The following FARP2 variants were observed in gnomAD, a reference collection of about 807,000 sequenced individuals.
FARP2 encodes FERM, ARHGEF and pleckstrin domain-containing protein 2.
In FARP2, 111 loss-of-function variants were observed where a neutral mutation model predicts 130.5. The ratio of observed to expected loss-of-function variants is 0.85; its 90% confidence interval spans 0.73 to 1.00. The LOEUF is 1.00. Among genes scored for constraint, FARP2 ranks in the 50% least tolerant of loss-of-function variants. The pLI is 0.00. For missense variants in FARP2, 1,385 were observed against 1,346.3 expected (o/e 1.03, Z -0.45); for synonymous variants, 504 against 516.9 (o/e 0.98, Z 0.34).
rs561910972 is a variant in FARP2, at chr2:241,442,189, C to T, written c.1411+633C>T. 6.8e-5 allele frequency: 31 copies of T among 454,458 alleles called. No individual in the cohort carries two copies. The East Asian group carries it at 1.3e-3, about 19-fold the overall frequency. The allele number at this position is 454,458 out of a possible 1,614,324, so 28.2% of individuals were successfully genotyped here. A position where few individuals can be genotyped will look rare whatever the true frequency, so the allele number is the denominator to read the frequency against. On this transcript the variant is annotated intron_variant, in intron 13 of 26. Transcript: ENST00000264042. The stretch of plus-strand genomic sequence containing the variant: ...CAGCTCCCTCAATAACATGCCACTA[C>T]GTGGTGGGCTGTCTGTGCACACATG...
intron 1 of FARP2, among the ~76,000 whole-genome samples, 154 bp downstream of exon 1, chr2:241,356,542 G>A (rs371240585): frequency 2.6e-5 from 4 of 152,236 alleles, no homozygotes; most frequent in East Asian, 1.9e-4. Flanking sequence ...GAAGGCCATC[G>A]TGAGGCGGCT....
chr2:241,466,693 C>A (rs115979345), intron 17 of FARP2: 3 of 674,082 alleles, frequency 4.5e-6, no homozygotes, highest in South Asian at 6.8e-5. Context: ...CCAACCACCC[C>A]CCCCCCCACC....
At position 241,434,244 on chromosome 2, in the gene FARP2, CTTTTTT is replaced by C. The variant is rs1217345928; in HGVS notation, c.955_960del (p.Phe319_Phe320del). Reference sequence around the variant, plus strand: ...GGAAGATTTGTGTGGAGTATCACACCTTTTTTAGACTTTTGGACCAACCTAAGCCAA... The same window carrying C: ...GGAAGATTTGTGTGGAGTATCACACCAGACTTTTGGACCAACCTAAGCCAA... On this transcript the variant is annotated inframe_deletion, in exon 10 of 27. Transcript: ENST00000264042. 6.2e-7 allele frequency: 1 copy of C among 1,613,552 alleles called. No individual in the cohort carries two copies. Among genetic ancestry groups the C allele is most frequent in the East Asian group, 2.2e-5 (1 of 44,878 alleles).
intron 9 of FARP2, among the ~76,000 whole-genome samples, chr2:241,433,215 C>T (rs1282012838): frequency 6.6e-6 from 1 of 152,048 alleles, no homozygotes; most frequent in African/African-American, 2.4e-5. Flanking sequence ...GGCGATAAGT[C>T]AAAGCCCAGA....
At chr2:241,392,655 G>T (rs1453777315) in intron 2 of FARP2, among the ~76,000 whole-genome samples, 1 of 152,104 alleles carries the variant, frequency 6.6e-6, no homozygotes, top group African/African-American at 2.4e-5. Context: ...AGCAGAAGTA[G>T]CAGTCTGGAT....
intron 18 of FARP2, among the ~76,000 whole-genome samples, chr2:241,472,131 T>C (rs1441461066): frequency 6.6e-6 from 1 of 151,874 alleles, no homozygotes; most frequent in Non-Finnish European, 1.5e-5. Flanking sequence ...GTAGTGCTGT[T>C]TTGAGGGGAC....
In FARP2 at chr2:241,373,032, A is replaced by T. The variant is rs370797300; in HGVS notation, c.-24-52A>T. The stretch of plus-strand genomic sequence containing the variant: ...AATTTGTCTTTTACCTTGTTTTAGT[A>T]CCTAAATAATGTGATAATTCCTTCA... On this transcript the variant is annotated intron_variant, in intron 1 of 26. Coordinates refer to ENST00000264042, the MANE Select transcript of FARP2 (RefSeq NM_014808.4). 1.2e-4 allele frequency: 118 copies of T among 1,015,826 alleles called. No homozygotes were observed. The African/African-American group carries it at 1.7e-3, about 15-fold the overall frequency. The allele number at this position is 1,015,826 out of a possible 1,614,324, so 62.9% of individuals were successfully genotyped here.
At chr2:241,440,154 A>G (rs2150413446) in intron 12 of FARP2, among the ~76,000 whole-genome samples, 1 of 152,322 alleles carries the variant, frequency 6.6e-6, no homozygotes, top group African/African-American at 2.4e-5. Context: ...TTGTGCAGTT[A>G]CATTTGCACT....
At chr2:241,465,663 C>T in intron 17 of FARP2, 1 of 1,550,912 alleles carries the variant, frequency 6.4e-7, no homozygotes, top group Non-Finnish European at 8.7e-7. Context: ...ACAGTTCTCC[C>T]TCCCTCTCAG....
chr2:241,441,538 G>C lies in FARP2; in HGVS notation c.1393G>C (p.Ala465Pro). Residue 465 changes from alanine (A) to proline (P), a missense_variant, in exon 13 of 27, where the codon GCA becomes CCA. By Grantham distance (27) the Ala-to-Pro change is conservative. Coordinates refer to ENST00000264042, the MANE Select transcript of FARP2 (RefSeq NM_014808.4). The part of the protein sequence containing the change: ...TPSAQPLGPP[A>P]LQPGPGLSTK... ...ATCGGCCCAGCCCCTCGGGCCCCCC[G>C]CACTCCAGCCTGGTCCAGGTGTCGG... 6.2e-7 allele frequency: 1 copy of C among 1,613,894 alleles called. No homozygotes were observed. Among genetic ancestry groups the C allele is most frequent in the Non-Finnish European group, 8.5e-7 (1 of 1,180,020 alleles).
Position 241,434,975 on chromosome 2 carries a change from A to T in FARP2, c.1045A>T (p.Lys349Ter), listed in dbSNP as rs754226917. 5 of 1,586,868 alleles carry T rather than the reference A, an allele frequency of 3.2e-6. No individual in the cohort carries two copies. The South Asian group carries it at 5.6e-5, about 18-fold the overall frequency. ...SSFRYSGRTQ[K>*]QLVDYFKDSG... ...CTTTATTCACAGTGGAAGAACTCAG[A>T]AACAACTAGTAGATTATTTCAAAGA... is the stretch of plus-strand genomic sequence containing the variant. Residue 349 changes from lysine (K) to a stop codon, truncating the protein, a stop_gained, in exon 11 of 27, where the codon AAA becomes TAA. Coordinates refer to ENST00000264042, the MANE Select transcript of FARP2 (RefSeq NM_014808.4). LOFTEE classifies it high-confidence loss of function.
intron 8 of FARP2, among the ~76,000 whole-genome samples, chr2:241,427,927 T>C (rs1017460118): frequency 1.3e-5 from 2 of 152,128 alleles, no homozygotes; most frequent in Middle Eastern, 3.4e-3. Context: ...CCACCACGTC[T>C]GGCTAATTTT....
chr2:241,393,405 G>A (rs1368411774), intron 2 of FARP2, among the ~76,000 whole-genome samples: 1 of 152,116 alleles, frequency 6.6e-6, no homozygotes, highest in East Asian at 1.9e-4. Flanking sequence ...TTGAAAATGT[G>A]CCAAAATGAG....
chr2:241,490,938 C>A, intron 22 of FARP2, 123 bp from the exon 23 acceptor site: 1 of 752,510 alleles, frequency 1.3e-6, no homozygotes, highest in Non-Finnish European at 2.4e-6. Context: ...TCCCAGTCCT[C>A]TCACCAGGCA....
rs765390864 is a variant in FARP2 at position 241,484,289 on chromosome 2, C to A, written c.2379C>A (p.Ser793Arg). The A allele has an allele frequency of 2.5e-6, 4 of 1,614,180 alleles. No individual in the cohort carries two copies. Among genetic ancestry groups the A allele is most frequent in the Non-Finnish European group, 3.4e-6 (4 of 1,180,010 alleles). ...LYTSKGVAGT[S>R]HFRIRGLLPL... is the part of the protein sequence containing the mutation. ...CAAGCAAAGGAGTTGCAGGGACCAG[C>A]CACTTCCGGATCCGGGGCCTCCTTC... is the stretch of plus-strand genomic sequence containing the variant. The change falls in exon 21 of 27, where the codon AGC becomes AGA. Residue 793 changes from serine (S) to arginine (R), a missense_variant. Coordinates refer to ENST00000264042, the MANE Select transcript of FARP2 (RefSeq NM_014808.4).
intron 5 of FARP2, among the ~76,000 whole-genome samples, chr2:241,407,891 A>G (rs2062404760): frequency 6.6e-6 from 1 of 152,208 alleles, no homozygotes; most frequent in African/African-American, 2.4e-5. Context: ...CCAAATGAAC[A>G]TAGATTTATG....
intron 21 of FARP2, chr2:241,488,747 CATT>C (rs2124905629): frequency 6.6e-6 from 1 of 152,254 alleles, no homozygotes; most frequent in East Asian, 1.9e-4. Context: ...CATTTCTCCC[CATT>C]ATTTGTTGAA....
At chr2:241,398,455 G>A (rs1182608353) in intron 2 of FARP2, among the ~76,000 whole-genome samples, 5 of 152,070 alleles carry the variant, frequency 3.3e-5, no homozygotes, top group African/African-American at 9.7e-5. Context: ...TTGTTTGTTC[G>A]TTGCTGGGTA....
intron 2 of FARP2, among the ~76,000 whole-genome samples, chr2:241,389,871 G>A (rs1396825725): frequency 2.0e-5 from 3 of 152,136 alleles, no homozygotes; most frequent in African/African-American, 4.8e-5. Flanking sequence ...GTTCTCTTGG[G>A]GATTGGCTGG....
Sources: gnomAD v4.1 joint callset for allele counts (sites outside exome capture counted in the v4.1 genomes callset) on GRCh38, gnomAD v4.1.1 for gene constraint, MANE v1.5 for transcripts, NCBI Gene and HGNC (gene_info 2026-07-23, HGNC 2026-07-21) for gene names.